Variants in GSG1L observed in about 807,000 individuals in gnomAD.
The protein encoded by GSG1L is GSG1 like.
A neutral mutation model predicts 42.1 loss-of-function variants in GSG1L; 24 were observed. The ratio of observed to expected loss-of-function variants is 0.57; its 90% CI spans 0.41 to 0.80. GSG1L has a LOEUF of 0.80. Ranked by LOEUF, GSG1L falls within the 30% of genes least tolerant of loss-of-function variation. The pLI is 0.00. For synonymous variants in GSG1L, 215 were observed against 203.5 expected (o/e 1.06, Z -0.48); for missense variants, 445 against 472.2 (o/e 0.94, Z 0.53).
chr16:27,977,167 C>T (rs1377166464), intron 1 of GSG1L, among the ~76,000 whole-genome samples: 1 of 152,208 alleles, frequency 6.6e-6, no homozygotes, highest in East Asian at 1.9e-4. Context: ...CTAAGGCTCA[C>T]AGAGGCAGAG....
At chr16:27,825,803 T>C (rs145720431) in intron 5 of GSG1L, among the ~76,000 whole-genome samples, 1 of 152,270 alleles carries the variant, frequency 6.6e-6, no homozygotes, top group Admixed American at 6.5e-5. Context: ...CTAATGGCTT[T>C]ATAAGGGGCT....
At chr16:27,830,716 T>C (rs705926) in intron 4 of GSG1L, among the ~76,000 whole-genome samples, 65,421 of 152,040 alleles carry the variant, frequency 0.43, 15,046 homozygotes, top group African/African-American at 0.58. Flanking sequence ...GACCATCTGG[T>C]GAAAGCTGGT....
intron 4 of GSG1L, among the ~76,000 whole-genome samples, chr16:27,835,113 CTAAT>C (rs2083310226): frequency 6.6e-6 from 1 of 152,038 alleles, no homozygotes; most frequent in African/African-American, 2.4e-5. Flanking sequence ...ATTGAAATCT[CTAAT>C]TATAGTTATG....
intron 1 of GSG1L, among the ~76,000 whole-genome samples, chr16:28,033,289 C>A (rs192813606): frequency 2.4e-4 from 36 of 152,298 alleles, no homozygotes; most frequent in African/African-American, 8.7e-4. Context: ...AGATCAGCTC[C>A]CCATCTACAA....
At chr16:27,869,813 A>ATCTCTCTCTCTCTGTCTCCCTCCC (rs2083788342) in intron 3 of GSG1L, among the ~76,000 whole-genome samples, 1 of 36,824 alleles carries the variant, frequency 2.7e-5, no homozygotes, top group African/African-American at 1.2e-4. Context: ...GTCTCCCTCC[A>ATCTCTCTCTCTCTGTCTCCCTCCC]TCTCTCTCTC....
chr16:27,814,278 A>G (rs2083067482), intron 5 of GSG1L, among the ~76,000 whole-genome samples: 1 of 152,010 alleles, frequency 6.6e-6, no homozygotes, highest in Non-Finnish European at 1.5e-5. Flanking sequence ...CCCCCAGCTA[A>G]TTCTTTCATT....
chr16:28,028,832 C>G (rs973143846), intron 1 of GSG1L, among the ~76,000 whole-genome samples: 26 of 152,218 alleles, frequency 1.7e-4, no homozygotes, highest in Non-Finnish European at 3.8e-4. Flanking sequence ...GGAACTGCCT[C>G]TCTTCACAGT....
At chr16:27,809,525 C>A (rs2083006131) in intron 5 of GSG1L, among the ~76,000 whole-genome samples, 1 of 151,868 alleles carries the variant, frequency 6.6e-6, no homozygotes, top group South Asian at 2.1e-4. Context: ...TTGCAGTGAG[C>A]TGTGATTATA....
intron 5 of GSG1L, among the ~76,000 whole-genome samples, chr16:27,821,563 T>C (rs1450983263): frequency 6.6e-6 from 1 of 152,132 alleles, no homozygotes; most frequent in East Asian, 1.9e-4. Context: ...AAAACCTTGA[T>C]ATTTTAACAT....
intron 4 of GSG1L, among the ~76,000 whole-genome samples, chr16:27,833,277 C>A (rs1352979028): frequency 1.3e-5 from 2 of 152,112 alleles, no homozygotes; most frequent in Non-Finnish European, 2.9e-5. Context: ...CTGATTTGTA[C>A]CTTTGTCAAA....
rs34512256 is a variant in GSG1L, at chr16:27,991,413, G to GT, written c.350-28211dup. Among the ~76,000 whole-genome samples, 387 of 146,168 alleles carry GT rather than the reference G, an allele frequency of 2.6e-3. 1 individual carries two copies. The highest frequency in any genetic ancestry group is 5.3e-3 in the African/African-American group (214 of 40,344). On this transcript the variant is annotated intron_variant, in intron 1 of 6. Transcript: ENST00000447459. The stretch of plus-strand genomic sequence containing the variant: ...GTGCATTATATTTCTTTTTTTGTTT[G>GT]TTTTTTTTTTGAGATGGAGTCTCAC...
chr16:27,855,719 C>CAA (rs397686463), intron 3 of GSG1L, among the ~76,000 whole-genome samples: 98 of 61,270 alleles, frequency 1.6e-3, no homozygotes, highest in African/African-American at 2.3e-3. Context: ...GACTCAGTCT[C>CAA]AAAAAAAAAA....
intron 2 of GSG1L, among the ~76,000 whole-genome samples, chr16:27,902,277 G>A (rs1258402151): frequency 2.0e-5 from 3 of 152,170 alleles, no homozygotes; most frequent in South Asian, 2.1e-4. Context: ...CAGAGAGGCC[G>A]AGGGAAAAAA....
chr16:27,925,364 C>T (rs961230012), intron 2 of GSG1L, among the ~76,000 whole-genome samples: 2 of 152,006 alleles, frequency 1.3e-5, no homozygotes, highest in African/African-American at 2.4e-5. Context: ...GAATGAGTGT[C>T]CCCGGAAGGC....
intron 1 of GSG1L, among the ~76,000 whole-genome samples, chr16:27,980,910 A>AC (rs1194691679): frequency 6.6e-6 from 1 of 151,420 alleles, no homozygotes; most frequent in African/African-American, 2.4e-5. Context: ...ACAAAAAAAA[A>AC]AAAAAAAGAA....
chr16:28,049,314 T>G (rs1183545681), intron 1 of GSG1L, among the ~76,000 whole-genome samples: 1 of 152,330 alleles, frequency 6.6e-6, no homozygotes, highest in East Asian at 1.9e-4. Context: ...CTAAATTTTA[T>G]GCAAATACAT....
intron 1 of GSG1L, among the ~76,000 whole-genome samples, chr16:27,981,440 C>A (rs1432491282): frequency 6.6e-6 from 1 of 152,144 alleles, no homozygotes; most frequent in Non-Finnish European, 1.5e-5. Context: ...GAAAAAAATG[C>A]CAACAGATCT....
At chr16:27,940,523 A>G (rs1377321985) in intron 2 of GSG1L, among the ~76,000 whole-genome samples, 1 of 133,934 alleles carries the variant, frequency 7.5e-6, no homozygotes, top group Non-Finnish European at 1.7e-5. Flanking sequence ...CTATGCAGCC[A>G]TAAAAAATGA....
At chr16:27,875,642 C>T (rs2083878527) in intron 3 of GSG1L, among the ~76,000 whole-genome samples, 1 of 152,182 alleles carries the variant, frequency 6.6e-6, no homozygotes, top group African/African-American at 2.4e-5. Flanking sequence ...CTGCTTGGTC[C>T]ATGACTGAGC....
Sources: gnomAD v4.1 joint callset for allele counts (sites outside exome capture counted in the v4.1 genomes callset) on GRCh38, gnomAD v4.1.1 for gene constraint, MANE v1.5 for transcripts, NCBI Gene and HGNC (gene_info 2026-07-23, HGNC 2026-07-21) for gene names.